Variants in ASTN1 observed in about 807,000 individuals in gnomAD.
The protein encoded by ASTN1 is astrotactin 1.
A neutral mutation model predicts 140.7 loss-of-function variants in ASTN1; 41 were observed. That is an observed-to-expected ratio of 0.29 (90% CI 0.23 to 0.38). The LOEUF (loss-of-function observed/expected upper bound fraction) is 0.38. Among genes scored for constraint, ASTN1 ranks in the 10% least tolerant of loss-of-function variants. ASTN1 has a pLI of 1.00. For synonymous variants in ASTN1, 640 were observed against 652.2 expected, an observed-to-expected ratio of 0.98 and a Z score of 0.29; for missense variants, 1,479 against 1,678.8, an observed-to-expected ratio of 0.88 and a Z score of 2.08.
chr1:176,938,604 G>C (rs1671552052), intron 14 of ASTN1, among the ~76,000 whole-genome samples: 1 of 152,150 alleles, frequency 6.6e-6, no homozygotes, highest in South Asian at 2.1e-4. Flanking sequence ...CTGGCTCAGG[G>C]ATCTTTCAGT....
intron 1 of ASTN1, among the ~76,000 whole-genome samples, chr1:177,077,504 T>A (rs79715204): frequency 6.6e-6 from 1 of 152,144 alleles, no homozygotes; most frequent in African/African-American, 2.4e-5. Flanking sequence ...CTTTATAAAG[T>A]TGTTGTGAGG....
intron 16 of ASTN1, among the ~76,000 whole-genome samples, chr1:176,899,364 G>A (rs541976434): frequency 6.6e-6 from 1 of 152,226 alleles, no homozygotes; most frequent in African/African-American, 2.4e-5. Context: ...TCTCATGCAG[G>A]GTCTGCTCTT....
At chr1:177,102,667 A>G (rs539296190) in intron 1 of ASTN1, among the ~76,000 whole-genome samples, 1 of 152,346 alleles carries the variant, frequency 6.6e-6, no homozygotes, top group Admixed American at 6.5e-5. Flanking sequence ...ATTGGGTCAG[A>G]CTACTTTCTT....
At chr1:177,064,774 C>T (rs1678269116) in intron 1 of ASTN1, among the ~76,000 whole-genome samples, 1 of 152,236 alleles carries the variant, frequency 6.6e-6, no homozygotes, top group Non-Finnish European at 1.5e-5. Flanking sequence ...ATGATAGCTT[C>T]TTCCTTGGCT....
chr1:176,970,396 A>G (rs1397193644), intron 8 of ASTN1, among the ~76,000 whole-genome samples: 2 of 152,232 alleles, frequency 1.3e-5, no homozygotes, highest in Non-Finnish European at 2.9e-5. Flanking sequence ...TTGCCTTAAC[A>G]AGGGTCCTTT....
chr1:176,857,430 GATT>G, downstream of ASTN1: 1 of 402,300 alleles, frequency 2.5e-6, no homozygotes, highest in Non-Finnish European at 4.4e-6. Flanking sequence ...AAGACTTTGG[GATT>G]ATAGAAGGAC....
At chr1:176,907,485 C>A (rs1189541190) in intron 16 of ASTN1, among the ~76,000 whole-genome samples, 2 of 152,200 alleles carry the variant, frequency 1.3e-5, no homozygotes, top group Non-Finnish European at 2.9e-5. Flanking sequence ...AACTGTCCTA[C>A]AAGTAACCAA....
intron 16 of ASTN1, among the ~76,000 whole-genome samples, chr1:176,905,053 T>G (rs776837816): frequency 6.6e-6 from 1 of 152,210 alleles, no homozygotes; most frequent in Non-Finnish European, 1.5e-5. Context: ...TTATCTGTTC[T>G]CCACCTCTCC....
At chr1:177,137,420 A>G (rs1367281206) in intron 1 of ASTN1, among the ~76,000 whole-genome samples, 4 of 152,244 alleles carry the variant, frequency 2.6e-5, no homozygotes, top group Non-Finnish European at 5.9e-5. Flanking sequence ...AAAGAGTTCA[A>G]GGATATCAGA....
intron 21 of ASTN1, among the ~76,000 whole-genome samples, chr1:176,869,616 C>T (rs1183849047): frequency 6.6e-6 from 1 of 152,142 alleles, no homozygotes; most frequent in Admixed American, 6.5e-5. Flanking sequence ...CTACATTTTG[C>T]AGGAGAGGAT....
intron 1 of ASTN1, among the ~76,000 whole-genome samples, chr1:177,152,444 A>G (rs1683080241): frequency 6.6e-6 from 1 of 152,132 alleles, no homozygotes; most frequent in South Asian, 2.1e-4. Flanking sequence ...TAAATAAATA[A>G]AAAAGGAAAC....
Position 177,012,533 on chromosome 1 carries a change from A to G in ASTN1, c.1523+2258T>C, listed in dbSNP as rs149288658. ...AAATTAAAGATGGAAATGACAGATT[A>G]GGTCTTCTTGTCTATTTCCTGGGGC... On this transcript the variant is annotated intron_variant, in intron 8 of 22. Coordinates refer to ENST00000361833, the MANE Select transcript of ASTN1 (RefSeq NM_004319.3). Among the ~76,000 whole-genome samples the G allele has an allele frequency of 3.4e-4, 52 of 152,330 alleles. No homozygotes were observed. The East Asian group carries it at 0.01, about 29-fold the overall frequency.
In ASTN1 at chr1:177,012,053, T is replaced by C. The variant is rs556754320; in HGVS notation, c.1523+2738A>G. 1.8e-4 allele frequency among the ~76,000 whole-genome samples: 28 copies of C among 152,324 alleles called. No individual in the cohort carries two copies. In the South Asian group the frequency reaches 5.8e-3, roughly 32 times the overall value. On this transcript the variant is annotated intron_variant, in intron 8 of 22. Coordinates refer to ENST00000361833, the MANE Select transcript of ASTN1 (RefSeq NM_004319.3). ...ATACAAGAATATGAAGTGAAAACCA[T>C]TCACACATGGGCTGCTTACCTCCAC...
intron 1 of ASTN1, among the ~76,000 whole-genome samples, chr1:177,095,021 A>T (rs1182925967): frequency 2.0e-5 from 3 of 152,222 alleles, no homozygotes; most frequent in Non-Finnish European, 4.4e-5. Context: ...AGCAACGAAG[A>T]ACTTGGCTTA....
At chr1:176,934,117 G>A (rs746492566) in intron 16 of ASTN1, 35 bp downstream of exon 16, 1 of 1,575,436 alleles carries the variant, frequency 6.3e-7, no homozygotes, top group Non-Finnish European at 8.7e-7. Context: ...GTACTGGCAT[G>A]AGGTATGGAA....
At chr1:177,087,457 T>C (rs773509942) in intron 1 of ASTN1, among the ~76,000 whole-genome samples, 4 of 152,180 alleles carry the variant, frequency 2.6e-5, no homozygotes, top group African/African-American at 9.7e-5. Context: ...CAGCAAGCCA[T>C]ATGCTGAATT....
intron 1 of ASTN1, among the ~76,000 whole-genome samples, chr1:177,068,733 G>A (rs1180909030): frequency 6.6e-6 from 1 of 152,036 alleles, no homozygotes; most frequent in Admixed American, 6.6e-5. Flanking sequence ...TTTCTGTATG[G>A]CACCTGGATA....
intron 16 of ASTN1, among the ~76,000 whole-genome samples, chr1:176,923,709 T>C (rs1242013339): frequency 6.6e-6 from 1 of 152,154 alleles, no homozygotes; most frequent in Non-Finnish European, 1.5e-5. Context: ...CTAGTATATG[T>C]AGGGTTCAGT....
rs199924663 is a variant in ASTN1, at chr1:176,888,244, C to A, written c.2941-40G>T. The A allele has an allele frequency of 3.6e-5, 58 of 1,609,604 alleles. No homozygotes were observed. In the East Asian group the frequency reaches 7.6e-4, roughly 21 times the overall value. On this transcript the variant is annotated intron_variant, in intron 17 of 22. Coordinates refer to ENST00000361833, the MANE Select transcript of ASTN1 (RefSeq NM_004319.3). ...AGGGAAAAGATTGAGTGTTGAGAAG[C>A]CAGGGCTAGGCCATCAGAATCAAGA... is the stretch of plus-strand genomic sequence containing the variant.
Sources: allele counts gnomAD v4.1 joint callset (sites outside exome capture counted in the v4.1 genomes callset), GRCh38; gene constraint gnomAD v4.1.1; transcripts MANE v1.5; gene names NCBI Gene and HGNC (gene_info 2026-07-23, HGNC 2026-07-21).